The following AGTR1 variants were observed in gnomAD, a reference collection of about 807,000 sequenced individuals.
AGTR1 encodes angiotensin II receptor type 1.
Under a neutral mutation model 19.4 loss-of-function variants are expected in AGTR1, and 16 were observed. That is an observed-to-expected ratio of 0.82 (90% CI 0.56 to 1.25). AGTR1 has a LOEUF of 1.25. Ranked by LOEUF, AGTR1 falls within the 50% of genes most tolerant of loss-of-function variation. The pLI, the probability that AGTR1 is intolerant of heterozygous loss-of-function variation, is 0.00. For synonymous variants in AGTR1, 153 were observed against 154.9 expected (o/e 0.99, Z 0.09); for missense variants, 373 against 431.9 (o/e 0.86, Z 1.21).
intron 1 of AGTR1, among the ~76,000 whole-genome samples, chr3:148,707,522 CA>C (rs371852388): frequency 1.3e-5 from 2 of 152,114 alleles, no homozygotes; most frequent in African/African-American, 4.8e-5. Flanking sequence ...ATAAAATGTG[CA>C]TAAGCTTTAT....
intron 2 of AGTR1, among the ~76,000 whole-genome samples, chr3:148,727,364 A>G (rs1714007829): frequency 2.0e-5 from 3 of 152,214 alleles, no homozygotes; most frequent in Admixed American, 2.0e-4. Flanking sequence ...ACACTTAAAT[A>G]TTGCAGTCAG....
chr3:148,739,097 G>A (rs976901302), intron 2 of AGTR1, among the ~76,000 whole-genome samples: 6 of 152,192 alleles, frequency 3.9e-5, no homozygotes, highest in East Asian at 3.9e-4. Context: ...GGTGGCTCAC[G>A]CCTGTAATTC....
chr3:148,733,684 C>T (rs1427566829), intron 2 of AGTR1, among the ~76,000 whole-genome samples: 1 of 152,164 alleles, frequency 6.6e-6, no homozygotes, highest in Non-Finnish European at 1.5e-5. Context: ...GATGTTTCCT[C>T]CCCATGATGG....
intron 1 of AGTR1, among the ~76,000 whole-genome samples, chr3:148,700,066 C>T (rs1348958866): frequency 6.6e-6 from 1 of 152,164 alleles, no homozygotes; most frequent in Non-Finnish European, 1.5e-5. Flanking sequence ...TCTCTCTTAT[C>T]GTGGGTCAGT....
At chr3:148,735,861 G>T (rs1714545301) in intron 2 of AGTR1, among the ~76,000 whole-genome samples, 1 of 152,090 alleles carries the variant, frequency 6.6e-6, no homozygotes, top group Non-Finnish European at 1.5e-5. Context: ...TGAACAGGAT[G>T]GTTTATTGAG....
At chr3:148,736,413 A>T (rs986781387) in intron 2 of AGTR1, among the ~76,000 whole-genome samples, 1 of 152,204 alleles carries the variant, frequency 6.6e-6, no homozygotes, top group African/African-American at 2.4e-5. Context: ...AATGGAAGGA[A>T]CTTACCTATG....
Position 148,717,801 on chromosome 3 carries a change from C to T in AGTR1, c.-48+9774C>T, listed in dbSNP as rs138378726. Among the ~76,000 whole-genome samples the T allele has an allele frequency of 1.5e-3, 229 of 152,166 alleles. 5 individuals are homozygous for T. In the East Asian group the frequency reaches 0.042, roughly 28 times the overall value. ...TGGTCTGTAGTACAAATTATTGTGC[C>T]GTGAATTAGTTTCCTTCTGCTGTAG... is the stretch of plus-strand genomic sequence containing the variant. On this transcript the variant is annotated intron_variant, in intron 2 of 2. Coordinates refer to ENST00000349243, the MANE Select transcript of AGTR1 (RefSeq NM_000685.5).
chr3:148,734,962 C>A (rs1447074781), intron 2 of AGTR1, among the ~76,000 whole-genome samples: 1 of 152,146 alleles, frequency 6.6e-6, no homozygotes, highest in Non-Finnish European at 1.5e-5. Flanking sequence ...ACGAAGCAGG[C>A]ATGGAAACTG....
intron 2 of AGTR1, among the ~76,000 whole-genome samples, chr3:148,736,249 A>T (rs1714565486): frequency 1.3e-5 from 2 of 152,238 alleles, no homozygotes; most frequent in Admixed American, 6.5e-5. Context: ...CAATTGTAAA[A>T]TAAACGTGGT....
At chr3:148,712,296 T>G (rs541947556) in intron 2 of AGTR1, among the ~76,000 whole-genome samples, 22 of 152,242 alleles carry the variant, frequency 1.4e-4, no homozygotes, top group Middle Eastern at 6.8e-3. Context: ...AAATAATTAT[T>G]TATCTGAAAC....
chr3:148,728,699 C>T (rs749096780), intron 2 of AGTR1, among the ~76,000 whole-genome samples: 4 of 152,130 alleles, frequency 2.6e-5, no homozygotes, highest in Non-Finnish European at 5.9e-5. Flanking sequence ...CTTTTACCCT[C>T]TGAATTTGAT....
chr3:148,737,259 G>T (rs1714620741), intron 2 of AGTR1, among the ~76,000 whole-genome samples: 2 of 152,046 alleles, frequency 1.3e-5, no homozygotes, highest in Admixed American at 6.5e-5. Flanking sequence ...ATTTATGAGA[G>T]CTGTTTCCCA....
At position 148,741,820 on chromosome 3, in the gene AGTR1, T is replaced by A. The variant is rs1714919488; in HGVS notation, c.785T>A (p.Leu262Gln). 4 of 1,613,634 alleles carry A rather than the reference T, an allele frequency of 2.5e-6. No individual in the cohort carries two copies. Among genetic ancestry groups the A allele is most frequent in the African/African-American group, 1.3e-5 (1 of 74,946 alleles). The change falls in exon 3 of 3, where the codon CTG (leucine) becomes CAG (glutamine). Residue 262 changes from leucine (L) to glutamine (Q), a missense_variant. By Grantham distance (113) the Leu-to-Gln change is moderately radical. Transcript: ENST00000349243. ...ATTCCCCACCAAATATTCACTTTTCTGGATGTATTGATTCAACTAGGCATC... is the reference window on the plus strand; with the variant it reads ...ATTCCCCACCAAATATTCACTTTTCAGGATGTATTGATTCAACTAGGCATC... ...SWIPHQIFTFLDVLIQLGIIR... is the reference protein window; with the variant it reads ...SWIPHQIFTFQDVLIQLGIIR...
At position 148,742,645 on chromosome 3, in the gene AGTR1, C is replaced by A; in HGVS notation, c.*530C>A. On this transcript the variant is annotated 3_prime_UTR_variant, in exon 3 of 3. Transcript: ENST00000349243. Reference sequence around the variant, plus strand: ...AAGCAGTAGTCGTCAAGTTGCAGATCTTTTTGTGAAATTCAACCTGTGTCT... The same window carrying A: ...AAGCAGTAGTCGTCAAGTTGCAGATATTTTTGTGAAATTCAACCTGTGTCT... 1 of 212,886 alleles carries A rather than the reference C, an allele frequency of 4.7e-6. No individual in the cohort carries two copies. The allele number at this position is 212,886 out of a possible 1,614,324, so 13.2% of individuals were successfully genotyped here.
At chr3:148,729,515 T>C (rs1714135714) in intron 2 of AGTR1, among the ~76,000 whole-genome samples, 1 of 152,210 alleles carries the variant, frequency 6.6e-6, no homozygotes, top group Admixed American at 6.5e-5. Flanking sequence ...TATATTTTAA[T>C]TTCAAATCTG....
At chr3:148,720,256 A>G (rs960397179) in intron 2 of AGTR1, among the ~76,000 whole-genome samples, 1 of 152,152 alleles carries the variant, frequency 6.6e-6, no homozygotes, top group African/African-American at 2.4e-5. Flanking sequence ...AATCAAGCAG[A>G]AACACACACA....
At chr3:148,707,093 A>T (rs182657692) in intron 1 of AGTR1, among the ~76,000 whole-genome samples, 168 of 152,240 alleles carry the variant, frequency 1.1e-3, no homozygotes, top group African/African-American at 3.9e-3. Flanking sequence ...ACTATGTGTG[A>T]GTACAATGAA....
At chr3:148,708,605 T>G (rs916928574) in intron 2 of AGTR1, among the ~76,000 whole-genome samples, 1 of 152,176 alleles carries the variant, frequency 6.6e-6, no homozygotes, top group East Asian at 1.9e-4. Context: ...TCTTAGCCTC[T>G]TTACAGGCAT....
chr3:148,721,764 T>G (rs1713650966), intron 2 of AGTR1, among the ~76,000 whole-genome samples: 1 of 152,202 alleles, frequency 6.6e-6, no homozygotes, highest in Non-Finnish European at 1.5e-5. Flanking sequence ...CCCAGAGATC[T>G]GCAAATGGTA....
Sources: gnomAD v4.1 joint callset for allele counts (sites outside exome capture counted in the v4.1 genomes callset) on GRCh38, gnomAD v4.1.1 for gene constraint, MANE v1.5 for transcripts, NCBI Gene and HGNC (gene_info 2026-07-23, HGNC 2026-07-21) for gene names.